The following THSD7A variants were observed in gnomAD, a reference collection of about 807,000 sequenced individuals.
THSD7A encodes thrombospondin type-1 domain-containing protein 7A.
A neutral mutation model predicts 231.3 loss-of-function variants in THSD7A; 96 were observed. The observed-to-expected ratio is 0.41, with a 90% CI of 0.35 to 0.49. The LOEUF (loss-of-function observed/expected upper bound fraction) is 0.49. THSD7A is among the 20% of genes least tolerant of loss of function. The pLI, the probability that THSD7A is intolerant of heterozygous loss-of-function variation, is 0.05. For missense variants in THSD7A, 2,290 were observed against 2,070.2 expected (o/e 1.11, Z -2.06); for synonymous variants, 940 against 743.3 (o/e 1.26, Z -4.30).
intron 1 of THSD7A, among the ~76,000 whole-genome samples, chr7:11,665,252 G>A (rs1783085172): frequency 6.6e-6 from 1 of 152,004 alleles, no homozygotes. Context: ...GACGCCAAAG[G>A]ATTTTTTAAT....
chr7:11,397,933 T>C (rs536945878), intron 23 of THSD7A, among the ~76,000 whole-genome samples: 69 of 152,310 alleles, frequency 4.5e-4, no homozygotes, highest in African/African-American at 1.6e-3. Context: ...GAAACAGGAA[T>C]GCTTTTACAC....
intron 6 of THSD7A, among the ~76,000 whole-genome samples, chr7:11,488,910 C>T (rs1380304371): frequency 2.0e-5 from 3 of 152,022 alleles, no homozygotes; most frequent in Admixed American, 6.6e-5. Context: ...CTGGTGTCCC[C>T]ATCTCTCGCT....
chr7:11,551,710 G>T (rs1363252718), intron 4 of THSD7A, among the ~76,000 whole-genome samples: 1 of 152,024 alleles, frequency 6.6e-6, no homozygotes, highest in Non-Finnish European at 1.5e-5. Context: ...AGCTGGCAAG[G>T]TTTCTAAGAA....
intron 1 of THSD7A, among the ~76,000 whole-genome samples, chr7:11,645,464 A>C (rs547663863): frequency 6.6e-6 from 1 of 152,058 alleles, no homozygotes; most frequent in African/African-American, 2.4e-5. Context: ...ATAAGTACAC[A>C]TGTATTAAAA....
intron 6 of THSD7A, among the ~76,000 whole-genome samples, chr7:11,523,671 T>C (rs1031401987): frequency 5.9e-5 from 9 of 152,046 alleles, no homozygotes; most frequent in African/African-American, 2.2e-4. Flanking sequence ...AAAAGTTGTC[T>C]GGACCTGGTG....
chr7:11,553,946 A>G (rs984837719), intron 4 of THSD7A, among the ~76,000 whole-genome samples: 21 of 151,942 alleles, frequency 1.4e-4, no homozygotes, highest in Non-Finnish European at 2.9e-4. Context: ...GATAGTTTAT[A>G]TATCTTATAA....
intron 1 of THSD7A, among the ~76,000 whole-genome samples, chr7:11,731,454 G>C (rs1317334091): frequency 6.6e-6 from 1 of 151,504 alleles, no homozygotes; most frequent in Non-Finnish European, 1.5e-5. Context: ...AAAATTAAGG[G>C]CTTTAACTAC....
At chr7:11,667,787 C>A (rs1280401593) in intron 1 of THSD7A, among the ~76,000 whole-genome samples, 2 of 151,746 alleles carry the variant, frequency 1.3e-5, no homozygotes, top group African/African-American at 4.8e-5. Context: ...TTATTTTTAA[C>A]AAAGCTGTAT....
chr7:11,548,314 A>T (rs1477094981), intron 4 of THSD7A, among the ~76,000 whole-genome samples: 1 of 152,112 alleles, frequency 6.6e-6, no homozygotes, highest in Non-Finnish European at 1.5e-5. Context: ...CCAGGAAAAA[A>T]CTGAAACCCT....
At chr7:11,745,669 C>G (rs1002087880) in intron 1 of THSD7A, among the ~76,000 whole-genome samples, 1 of 152,080 alleles carries the variant, frequency 6.6e-6, no homozygotes, top group Admixed American at 6.6e-5. Flanking sequence ...ATATGGCCAG[C>G]CAGTTTTCCC....
At chr7:11,658,483 T>C (rs1447318359) in intron 1 of THSD7A, among the ~76,000 whole-genome samples, 1 of 151,626 alleles carries the variant, frequency 6.6e-6, no homozygotes, top group Non-Finnish European at 1.5e-5. Context: ...ATTATTTCAA[T>C]GGCATTTTCT....
At chr7:11,396,967 C>T (rs34842876) in intron 23 of THSD7A, among the ~76,000 whole-genome samples, 33,742 of 152,042 alleles carry the variant, frequency 0.22, 4,299 homozygotes, top group African/African-American at 0.35. Context: ...GGATGCAAGG[C>T]GGGTTCAACA....
intron 17 of THSD7A, 74 bp from the exon 18 acceptor site, chr7:11,412,874 G>T: frequency 6.6e-7 from 1 of 1,514,058 alleles, no homozygotes; most frequent in Non-Finnish European, 8.9e-7. Flanking sequence ...AGACAGCACT[G>T]GAGCAGGAGT....
At chr7:11,647,931 C>T (rs1392569699) in intron 1 of THSD7A, among the ~76,000 whole-genome samples, 1 of 152,000 alleles carries the variant, frequency 6.6e-6, no homozygotes, top group African/African-American at 2.4e-5. Flanking sequence ...AGCTGATATC[C>T]ACAGGTCAAA....
chr7:11,686,318 C>T (rs968936561), intron 1 of THSD7A, among the ~76,000 whole-genome samples: 1 of 151,870 alleles, frequency 6.6e-6, no homozygotes, highest in Non-Finnish European at 1.5e-5. Flanking sequence ...TAAACCCACA[C>T]ATGTACCCCG....
At chr7:11,650,662 T>C (rs1480287668) in intron 1 of THSD7A, among the ~76,000 whole-genome samples, 1 of 152,000 alleles carries the variant, frequency 6.6e-6, no homozygotes, top group African/African-American at 2.4e-5. Context: ...CTGTGGTAAG[T>C]GGCAGTCAGT....
Position 11,636,369 on chromosome 7 carries a change from G to A in THSD7A, c.783C>T (p.Ser261=). The A allele has an allele frequency of 6.2e-7, 1 of 1,613,802 alleles. No homozygotes were observed. The highest frequency in any genetic ancestry group is 1.1e-5 in the South Asian group (1 of 91,084). The change falls in exon 2 of 28, where the codon AGC becomes AGT. Residue 261 remains serine, a synonymous_variant. Transcript: ENST00000423059. This position sits in a 1 kb window ranked among gnomAD's most constrained non-coding sequence, Gnocchi z 10.0. ...GTCGGGAGTGGGGCATTGAGCAGGT[G>A]CTCCAGGGCCCCACATGCAGGCTGT... is the stretch of plus-strand genomic sequence containing the variant. ...LRYSLHVGPW[S]TCSMPHSRQV... is the part of the protein sequence containing the mutation.
intron 1 of THSD7A, among the ~76,000 whole-genome samples, chr7:11,750,420 G>T (rs947748952): frequency 2.0e-5 from 3 of 151,910 alleles, no homozygotes; most frequent in Non-Finnish European, 4.4e-5. Flanking sequence ...TCGAAAAAAG[G>T]AAGTCCTAGT....
Position 11,453,505 on chromosome 7 carries a change from G to C in THSD7A, c.2606-6081C>G, listed in dbSNP as rs148697128. ...AATTATGTTGGCTTCCATCTAAAGA[G>C]ACTGATGTCAGATTTTAGTGACCAG... On this transcript the variant is annotated intron_variant, in intron 11 of 27. Transcript: ENST00000423059. Among the ~76,000 whole-genome samples the C allele has an allele frequency of 2.7e-3, 412 of 151,988 alleles. 1 individual carries two copies. The highest frequency in any genetic ancestry group is 9.7e-3 in the African/African-American group (404 of 41,494).
Sources: gnomAD v4.1 joint callset for allele counts (sites outside exome capture counted in the v4.1 genomes callset) on GRCh38, gnomAD v4.1.1 for gene constraint, Gnocchi (gnomAD v3.1) non-coding constraint, MANE v1.5 for transcripts, NCBI Gene and HGNC (gene_info 2026-07-23, HGNC 2026-07-21) for gene names.